Variants in ANKS1B observed in about 807,000 individuals in gnomAD.
ANKS1B encodes the protein ankyrin repeat and sterile alpha motif domain containing 1B.
ANKS1B carries 36 observed loss-of-function variants against 148.3 expected under a neutral mutation model. The observed-to-expected ratio is 0.24, with a 90% CI of 0.19 to 0.32. The LOEUF is 0.32. Ranked by LOEUF, ANKS1B falls within the 10% of genes least tolerant of loss-of-function variation. ANKS1B has a pLI of 1.00. For missense variants in ANKS1B, 1,157 were observed against 1,542.6 expected, an observed-to-expected ratio of 0.75 and a Z score of 4.19; for synonymous variants, 542 against 560.8, an observed-to-expected ratio of 0.97 and a Z score of 0.47.
chr12:99,760,617 A>C (rs1200002847), intron 8 of ANKS1B, among the ~76,000 whole-genome samples: 2 of 151,768 alleles, frequency 1.3e-5, no homozygotes, highest in Non-Finnish European at 2.9e-5. Context: ...TCAAATTAAT[A>C]ATCTAACATC....
intron 6 of ANKS1B, among the ~76,000 whole-genome samples, chr12:99,775,943 A>G (rs2063607216): frequency 6.6e-6 from 1 of 152,186 alleles, no homozygotes; most frequent in South Asian, 2.1e-4. Flanking sequence ...TTCCTTAAAA[A>G]TAAATTCACC....
rs1017702979 is a variant in ANKS1B, at chr12:99,612,557, G to A, written c.1272+42510C>T. 1.7e-4 allele frequency among the ~76,000 whole-genome samples: 26 copies of A among 152,004 alleles called. 1 individual carries two copies. The highest frequency in any genetic ancestry group is 1.0e-4 in the Non-Finnish European group (7 of 68,006). ...TCCTCAAAGTCCAGCTCCAAAATCC[G>A]CAATGTCTGAGCCTTACTAAATGCC... On this transcript the variant is annotated intron_variant, in intron 9 of 26. Transcript: ENST00000683438.
chr12:98,918,171 A>T (rs2099796928), intron 17 of ANKS1B, among the ~76,000 whole-genome samples: 1 of 152,160 alleles, frequency 6.6e-6, no homozygotes, highest in Non-Finnish European at 1.5e-5. Context: ...ATACCCCTGC[A>T]CCTCCCCATG....
Position 99,216,185 on chromosome 12 carries a change from T to C in ANKS1B, c.2419+28157A>G, listed in dbSNP as rs140400050. ...GCACTTCGTTTGCCTTCTGTCATGA[T>C]TGTGAGGCCTCCCCAGCTATGTGGA... On this transcript the variant is annotated intron_variant, in intron 14 of 26. Coordinates refer to ENST00000683438, the MANE Select transcript of ANKS1B (RefSeq NM_001352186.2). 5.3e-4 allele frequency among the ~76,000 whole-genome samples: 81 copies of C among 152,338 alleles called. 1 individual carries two copies. The highest frequency in any genetic ancestry group is 1.8e-3 in the African/African-American group (73 of 41,576).
chr12:98,942,197 C>T lies in ANKS1B; in HGVS notation c.2779-110061G>A, dbSNP rs145553812. Among the ~76,000 whole-genome samples the T allele has an allele frequency of 2.7e-4, 39 of 146,876 alleles. 1 individual carries two copies. Among genetic ancestry groups the T allele is most frequent in the Middle Eastern group, 7.1e-3 (2 of 282 alleles). ...CAGAGGTTGCAGTGAGCTGAGATCG[C>T]GCCACTGTACTCCAGCCTGGGTGAC... On this transcript the variant is annotated intron_variant, in intron 17 of 26. Coordinates refer to ENST00000683438, the MANE Select transcript of ANKS1B (RefSeq NM_001352186.2).
intron 15 of ANKS1B, among the ~76,000 whole-genome samples, chr12:99,090,898 T>C (rs985342895): frequency 6.6e-6 from 1 of 152,146 alleles, no homozygotes; most frequent in Admixed American, 6.5e-5. Flanking sequence ...AGATAATGGA[T>C]GATGTGCTTC....
intron 25 of ANKS1B, among the ~76,000 whole-genome samples, chr12:98,756,382 G>A (rs2098243048): frequency 1.3e-5 from 2 of 152,062 alleles, no homozygotes; most frequent in South Asian, 4.2e-4. Flanking sequence ...CCCCAGCCAT[G>A]TGGAACTGTG....
chr12:99,464,608 G>A (rs999070949), intron 10 of ANKS1B, among the ~76,000 whole-genome samples: 2 of 152,206 alleles, frequency 1.3e-5, no homozygotes, highest in African/African-American at 4.8e-5. Flanking sequence ...GGAGTTGATG[G>A]AGCTGAAAGC....
At chr12:99,943,881 T>C (rs1247570400) in intron 1 of ANKS1B, among the ~76,000 whole-genome samples, 1 of 152,074 alleles carries the variant, frequency 6.6e-6, no homozygotes, top group Non-Finnish European at 1.5e-5. Context: ...GGTATACATA[T>C]GCCATGGTGG....
intron 10 of ANKS1B, among the ~76,000 whole-genome samples, chr12:99,495,500 A>C (rs1811770419): frequency 6.6e-6 from 1 of 152,174 alleles, no homozygotes; most frequent in South Asian, 2.1e-4. Context: ...AATTCCCTTC[A>C]GGTACTGCTT....
At chr12:99,551,531 AGG>A (rs1383693287) in intron 9 of ANKS1B, among the ~76,000 whole-genome samples, 25 of 200 alleles carry the variant, frequency 0.12, no homozygotes, top group South Asian at 0.45. Flanking sequence ...AGGAGAGGAG[AGG>A]GGAGGGGAGG....
chr12:98,876,185 C>A (rs980297026), intron 17 of ANKS1B, among the ~76,000 whole-genome samples: 3 of 152,192 alleles, frequency 2.0e-5, no homozygotes, highest in Non-Finnish European at 4.4e-5. Flanking sequence ...TGTCTCTCCT[C>A]TTCCTCACAC....
intron 17 of ANKS1B, among the ~76,000 whole-genome samples, chr12:98,909,857 G>T (rs2099784374): frequency 6.6e-6 from 1 of 152,220 alleles, no homozygotes; most frequent in Admixed American, 6.5e-5. Context: ...AGGAGCACAT[G>T]AATAATTGGC....
At position 98,967,041 on chromosome 12, in the gene ANKS1B, TA is replaced by T. The variant is rs565665664; in HGVS notation, c.2778+86115del. On this transcript the variant is annotated intron_variant, in intron 17 of 26. Transcript: ENST00000683438. ...TACCCTAGAACTTAAAGTATAAGAA[TA>T]AAAAAAAATGTAGTCAATTGTGGTG... is the stretch of plus-strand genomic sequence containing the variant. Among the ~76,000 whole-genome samples the T allele has an allele frequency of 3.7e-4, 56 of 150,992 alleles. No homozygotes were observed. In the South Asian group the frequency reaches 0.012, roughly 31 times the overall value.
rs35475510 is a variant in ANKS1B at position 98,855,762 on chromosome 12, T to TA, written c.2779-23627dup. ...CTGGCTCTTGGCCAGTGATTTTTTTTAAAAAAACAAGGTCTTCAAATGTTT... is the reference window on the plus strand; with the variant it reads ...CTGGCTCTTGGCCAGTGATTTTTTTTAAAAAAAACAAGGTCTTCAAATGTTT... On this transcript the variant is annotated intron_variant, in intron 17 of 26. Transcript: ENST00000683438. Among the ~76,000 whole-genome samples, 1,443 of 152,186 alleles carry TA rather than the reference T, an allele frequency of 9.5e-3. 11 individuals carry two copies. Among genetic ancestry groups the TA allele is most frequent in the Middle Eastern group, 0.014 (4 of 294 alleles).
chr12:99,633,732 ACT>A (rs1431471119), intron 9 of ANKS1B, among the ~76,000 whole-genome samples: 13 of 152,156 alleles, frequency 8.5e-5, no homozygotes, highest in African/African-American at 3.1e-4. Flanking sequence ...TTTGCAATCT[ACT>A]CATCTGACAA....
At chr12:99,920,806 TTTC>T (rs2094329048) in intron 1 of ANKS1B, among the ~76,000 whole-genome samples, 1 of 152,128 alleles carries the variant, frequency 6.6e-6, no homozygotes, top group Non-Finnish European at 1.5e-5. Context: ...CTTCCTCCAC[TTTC>T]TTGTTCTATT....
At chr12:99,424,358 G>T (rs567183588) in intron 11 of ANKS1B, among the ~76,000 whole-genome samples, 2 of 152,184 alleles carry the variant, frequency 1.3e-5, no homozygotes, top group African/African-American at 4.8e-5. Flanking sequence ...TGCTTTTGAG[G>T]AAGTAAAATA....
chr12:99,199,270 T>C (rs2081765507), intron 14 of ANKS1B, among the ~76,000 whole-genome samples: 1 of 152,208 alleles, frequency 6.6e-6, no homozygotes, highest in Non-Finnish European at 1.5e-5. Flanking sequence ...TTTAGATAAC[T>C]AGTTTTAGAT....
Sources: gnomAD v4.1 joint callset for allele counts (sites outside exome capture counted in the v4.1 genomes callset) on GRCh38, gnomAD v4.1.1 for gene constraint, MANE v1.5 for transcripts, NCBI Gene and HGNC (gene_info 2026-07-23, HGNC 2026-07-21) for gene names.